The following QRSL1 variants were observed in gnomAD, a reference collection of about 807,000 sequenced individuals.
The protein encoded by QRSL1 is glutamyl-tRNA(Gln) amidotransferase subunit A, mitochondrial.
A neutral mutation model predicts 61.6 loss-of-function variants in QRSL1; 54 were observed. The ratio of observed to expected loss-of-function variants is 0.88; its 90% CI spans 0.70 to 1.10. The LOEUF is 1.10. Ranked by LOEUF, QRSL1 falls within the 50% of genes least tolerant of loss-of-function variation. QRSL1 has a pLI of 0.00. For missense variants in QRSL1, 505 were observed against 622.6 expected, an observed-to-expected ratio of 0.81 and a Z score of 2.01; for synonymous variants, 228 against 225.7, an observed-to-expected ratio of 1.01 and a Z score of -0.09.
At chr6:106,653,942 T>C (rs969755188) in intron 7 of QRSL1, 2 of 152,210 alleles carry the variant, frequency 1.3e-5, no homozygotes, top group African/African-American at 4.8e-5. Flanking sequence ...ACTTACCTGC[T>C]ATTTAACATT....
intron 9 of QRSL1, among the ~76,000 whole-genome samples, chr6:106,656,749 T>G (rs1015248251): frequency 6.6e-6 from 1 of 152,154 alleles, no homozygotes; most frequent in Non-Finnish European, 1.5e-5. Context: ...CTTGACCTCT[T>G]GAGCTTAAGT....
intron 9 of QRSL1, among the ~76,000 whole-genome samples, chr6:106,660,362 T>G (rs1227267500): frequency 6.7e-6 from 1 of 150,260 alleles, no homozygotes. Context: ...TACTGTAGTT[T>G]TTTTTGTAGA....
At chr6:106,651,806 T>C (rs1777190821) in intron 5 of QRSL1, among the ~76,000 whole-genome samples, 4 of 152,196 alleles carry the variant, frequency 2.6e-5, no homozygotes, top group Admixed American at 2.6e-4. Flanking sequence ...TTTATATGTA[T>C]ATTGAAAGGA....
intron 1 of QRSL1, among the ~76,000 whole-genome samples, chr6:106,636,927 A>G (rs1044937177): frequency 2.0e-5 from 3 of 151,276 alleles, no homozygotes; most frequent in Admixed American, 6.7e-5. Context: ...AAAAATTACT[A>G]TAAACTTTGT....
At chr6:106,664,399 CTTTAT>C (rs1339896802) in intron 10 of QRSL1, among the ~76,000 whole-genome samples, 1 of 152,114 alleles carries the variant, frequency 6.6e-6, no homozygotes, top group Admixed American at 6.5e-5. Context: ...TACCAAGATT[CTTTAT>C]TTTGTCACTT....
At chr6:106,652,645 G>A in intron 7 of QRSL1, 63 bp downstream of exon 7, 1 of 1,605,576 alleles carries the variant, frequency 6.2e-7, no homozygotes, top group Non-Finnish European at 8.5e-7. Context: ...GCACAGACTT[G>A]GGAGGCGGAT....
At chr6:106,648,886 T>G in intron 4 of QRSL1, 139 bp from the exon 5 acceptor site, 1 of 759,872 alleles carries the variant, frequency 1.3e-6, no homozygotes, top group Non-Finnish European at 2.0e-6. Context: ...CTGAACAGGC[T>G]TCCCACCTTT....
chr6:106,662,244 G>A (rs548897943), intron 9 of QRSL1, among the ~76,000 whole-genome samples: 27 of 152,248 alleles, frequency 1.8e-4, no homozygotes, highest in South Asian at 1.2e-3. Flanking sequence ...GTAACCTTTA[G>A]AAAGCCATTT....
chr6:106,646,534 A>C (rs1413913135), intron 4 of QRSL1, among the ~76,000 whole-genome samples: 1 of 152,150 alleles, frequency 6.6e-6, no homozygotes, highest in Non-Finnish European at 1.5e-5. Context: ...CTGGTGGCTC[A>C]TGCCTGTTAT....
intron 3 of QRSL1, among the ~76,000 whole-genome samples, chr6:106,641,842 C>T (rs1582409311): frequency 1.3e-5 from 2 of 152,242 alleles, no homozygotes; most frequent in Admixed American, 1.3e-4. Context: ...ACATCTCTGA[C>T]TATCATGCAA....
chr6:106,639,095 G>A (rs1285256587), intron 1 of QRSL1, among the ~76,000 whole-genome samples: 2 of 140,450 alleles, frequency 1.4e-5, no homozygotes, highest in Non-Finnish European at 3.0e-5. Flanking sequence ...TACCTAACTT[G>A]TGTGGTTATT....
At chr6:106,632,931 TC>T (rs34868599) in intron 1 of QRSL1, among the ~76,000 whole-genome samples, 2 of 152,344 alleles carry the variant, frequency 1.3e-5, no homozygotes, top group South Asian at 4.1e-4. Context: ...TTCTTGACCT[TC>T]CTTGGCTCCA....
At chr6:106,656,894 C>G (rs1043715677) in intron 9 of QRSL1, among the ~76,000 whole-genome samples, 1 of 152,204 alleles carries the variant, frequency 6.6e-6, no homozygotes, top group Non-Finnish European at 1.5e-5. Flanking sequence ...TGGGTTCGAG[C>G]AATCCACCCA....
chr6:106,657,110 A>G (rs1385809053), intron 9 of QRSL1, among the ~76,000 whole-genome samples: 1 of 152,204 alleles, frequency 6.6e-6, no homozygotes, highest in Non-Finnish European at 1.5e-5. Context: ...CTCTACTAAA[A>G]ATACAAAAAT....
chr6:106,649,785 A>C (rs186181845), intron 5 of QRSL1, among the ~76,000 whole-genome samples: 2 of 152,300 alleles, frequency 1.3e-5, no homozygotes, highest in African/African-American at 4.8e-5. Flanking sequence ...ATTTGGTAAG[A>C]ATCCATTGAT....
chr6:106,650,052 A>C (rs1238121425), intron 5 of QRSL1, among the ~76,000 whole-genome samples: 21 of 152,146 alleles, frequency 1.4e-4, no homozygotes, highest in Admixed American at 1.3e-3. Flanking sequence ...TTTTCCTAAA[A>C]TCTTATTAAC....
At chr6:106,658,750 C>G (rs1407021871) in intron 9 of QRSL1, among the ~76,000 whole-genome samples, 1 of 151,876 alleles carries the variant, frequency 6.6e-6, no homozygotes, top group Non-Finnish European at 1.5e-5. Context: ...CTGTGATGTG[C>G]CTTGGTGTGG....
At chr6:106,642,699 T>A in intron 3 of QRSL1, 1 of 754,860 alleles carries the variant, frequency 1.3e-6, no homozygotes, top group South Asian at 1.4e-5. Flanking sequence ...GGCAAGATTC[T>A]TGCCAAGAGA....
In QRSL1 at chr6:106,636,610, C is replaced by T. The variant is rs572474705; in HGVS notation, c.25-3739C>T. Among the ~76,000 whole-genome samples, 44 of 152,206 alleles carry T rather than the reference C, an allele frequency of 2.9e-4. 1 individual carries two copies. In the South Asian group the frequency reaches 8.3e-3, roughly 29 times the overall value. On this transcript the variant is annotated intron_variant, in intron 1 of 10. Coordinates refer to ENST00000369046, the MANE Select transcript of QRSL1 (RefSeq NM_018292.5). ...CTGGGATTACAGGCATGAGCCACCG[C>T]GCCCAGCCAGCTCTACTGCTTTTTA...
Sources: gnomAD v4.1 joint callset for allele counts (sites outside exome capture counted in the v4.1 genomes callset) on GRCh38, gnomAD v4.1.1 for gene constraint, MANE v1.5 for transcripts, NCBI Gene and HGNC (gene_info 2026-07-23, HGNC 2026-07-21) for gene names.